CACNA2D1: variants seen among roughly 807,000 people sequenced by gnomAD.
The protein encoded by CACNA2D1 is calcium voltage-gated channel auxiliary subunit alpha2delta 1, also known as voltage-dependent calcium channel subunit alpha-2/delta-1.
Under a neutral mutation model 171.5 loss-of-function variants are expected in CACNA2D1, and 53 were observed. That is an observed-to-expected ratio of 0.31 (90% CI 0.25 to 0.39). The LOEUF is 0.39. CACNA2D1 is among the 10% of genes least tolerant of loss of function. The pLI is 1.00. For missense variants in CACNA2D1, 903 were observed against 1,299.8 expected, an observed-to-expected ratio of 0.69 and a Z score of 4.69; for synonymous variants, 442 against 443.1, an observed-to-expected ratio of 1.00 and a Z score of 0.03.
chr7:82,185,539 GA>G (rs1797638308), intron 3 of CACNA2D1, among the ~76,000 whole-genome samples: 3 of 39,470 alleles, frequency 7.6e-5, no homozygotes, highest in Non-Finnish European at 1.4e-4. Context: ...GGAGGGGGAG[GA>G]AGGGGAGGGG....
chr7:82,334,747 A>G (rs1817782375), intron 3 of CACNA2D1, among the ~76,000 whole-genome samples: 1 of 152,114 alleles, frequency 6.6e-6, no homozygotes, highest in Non-Finnish European at 1.5e-5. Context: ...AGGGTGATGG[A>G]ATAAGAGACT....
At chr7:82,070,779 A>G (rs948222298) in intron 7 of CACNA2D1, among the ~76,000 whole-genome samples, 1 of 152,206 alleles carries the variant, frequency 6.6e-6, no homozygotes, top group African/African-American at 2.4e-5. Context: ...GAATGGGAAG[A>G]CAGAACTTTG....
intron 10 of CACNA2D1, among the ~76,000 whole-genome samples, chr7:82,048,146 ACAGCT>A (rs111958517): frequency 0.13 from 20,085 of 152,170 alleles, 1,825 homozygotes; most frequent in African/African-American, 0.26. Context: ...GGATGCAGAA[ACAGCT>A]GATGACAGTT....
At chr7:81,988,998 T>C (rs1303630410) in intron 21 of CACNA2D1, among the ~76,000 whole-genome samples, 1 of 152,074 alleles carries the variant, frequency 6.6e-6, no homozygotes, top group African/African-American at 2.4e-5. Context: ...CATTATACAT[T>C]TTAAATAGGA....
At chr7:81,968,799 C>A in intron 29 of CACNA2D1, 88 bp downstream of exon 29, 1 of 794,516 alleles carries the variant, frequency 1.3e-6, no homozygotes, top group Non-Finnish European at 2.2e-6. Context: ...TTTTGATGAC[C>A]TTCTTGATAA....
At chr7:82,157,720 G>A (rs1490190718) in intron 4 of CACNA2D1, among the ~76,000 whole-genome samples, 1 of 151,902 alleles carries the variant, frequency 6.6e-6, no homozygotes, top group Non-Finnish European at 1.5e-5. Context: ...TAGCAATAGG[G>A]CCACACAGAT....
chr7:82,124,014 A>G (rs1790045387), intron 5 of CACNA2D1, among the ~76,000 whole-genome samples: 2 of 152,090 alleles, frequency 1.3e-5, no homozygotes, highest in Non-Finnish European at 2.9e-5. Context: ...AAATATTTAA[A>G]CCATTTATTT....
intron 12 of CACNA2D1, among the ~76,000 whole-genome samples, chr7:82,019,148 C>T (rs1800870801): frequency 6.6e-6 from 1 of 151,516 alleles, no homozygotes. Context: ...GGTGAAACCC[C>T]GTCTGTACTA....
At chr7:82,263,369 C>T (rs924079809) in intron 3 of CACNA2D1, among the ~76,000 whole-genome samples, 1 of 151,958 alleles carries the variant, frequency 6.6e-6, no homozygotes, top group African/African-American at 2.4e-5. Context: ...CCTCAGCATC[C>T]CAAAGAGCTG....
intron 6 of CACNA2D1, among the ~76,000 whole-genome samples, chr7:82,104,590 T>G (rs1813089067): frequency 6.6e-6 from 1 of 152,044 alleles, no homozygotes; most frequent in Non-Finnish European, 1.5e-5. Flanking sequence ...TACCCCTTAT[T>G]TTTGGAACCA....
At chr7:82,190,857 G>A (rs1798222726) in intron 3 of CACNA2D1, among the ~76,000 whole-genome samples, 1 of 151,550 alleles carries the variant, frequency 6.6e-6, no homozygotes, top group Non-Finnish European at 1.5e-5. Flanking sequence ...TTCTCTTTGA[G>A]CCTTGAAAAG....
At chr7:82,420,452 A>G (rs1290618022) in intron 1 of CACNA2D1, among the ~76,000 whole-genome samples, 3 of 152,164 alleles carry the variant, frequency 2.0e-5, no homozygotes, top group African/African-American at 7.2e-5. Flanking sequence ...TCCAGTTTTC[A>G]TGCATTACCA....
chr7:82,043,616 C>T (rs1176736745), intron 10 of CACNA2D1, among the ~76,000 whole-genome samples: 2 of 152,140 alleles, frequency 1.3e-5, no homozygotes, highest in Non-Finnish European at 2.9e-5. Flanking sequence ...CCAGTCAAAA[C>T]AAAGTATCAG....
At chr7:82,053,537 A>G (rs1319553865) in intron 10 of CACNA2D1, among the ~76,000 whole-genome samples, 2 of 152,166 alleles carry the variant, frequency 1.3e-5, no homozygotes, top group Non-Finnish European at 2.9e-5. Flanking sequence ...TTTATAGTAA[A>G]TAAGAGCCAT....
intron 12 of CACNA2D1, chr7:82,027,745 T>C (rs908296712): frequency 2.0e-5 from 3 of 151,764 alleles, no homozygotes; most frequent in African/African-American, 7.2e-5. Context: ...TGTCACAGTT[T>C]AGTAATTCTT....
chr7:82,139,904 C>G (rs899450887), intron 4 of CACNA2D1, among the ~76,000 whole-genome samples: 2 of 151,170 alleles, frequency 1.3e-5, no homozygotes, highest in African/African-American at 4.9e-5. Context: ...CCTGCCTCAG[C>G]CTTCCTAGCT....
At chr7:81,956,281 T>TAA (rs552923673) in intron 38 of CACNA2D1, among the ~76,000 whole-genome samples, 53 of 151,890 alleles carry the variant, frequency 3.5e-4, no homozygotes, top group Non-Finnish European at 6.9e-4. Context: ...GCCGTTGCTA[T>TAA]AAGTTTTTAA....
chr7:82,168,032 C>T (rs969044823), intron 4 of CACNA2D1, among the ~76,000 whole-genome samples: 1 of 151,944 alleles, frequency 6.6e-6, no homozygotes, highest in Non-Finnish European at 1.5e-5. Context: ...GATAGAGGCA[C>T]CAAAAAAGTA....
chr7:82,130,987 A>G (rs533715745), intron 5 of CACNA2D1, among the ~76,000 whole-genome samples: 1 of 151,960 alleles, frequency 6.6e-6, no homozygotes, highest in South Asian at 2.1e-4. Context: ...ATTTTTTAGT[A>G]GAGACAGGGT....
Sources: gnomAD v4.1 joint callset for allele counts (sites outside exome capture counted in the v4.1 genomes callset) on GRCh38, gnomAD v4.1.1 for gene constraint, MANE v1.5 for transcripts, NCBI Gene and HGNC (gene_info 2026-07-23, HGNC 2026-07-21) for gene names.